MYO3A: variants seen among roughly 807,000 people sequenced by gnomAD.
MYO3A encodes the protein myosin-IIIa.
A neutral mutation model predicts 192.7 loss-of-function variants in MYO3A; 180 were observed. That is an observed-to-expected ratio of 0.93 (90% CI 0.83 to 1.06). The LOEUF (loss-of-function observed/expected upper bound fraction) is 1.06, where lower values mean the gene tolerates loss of function less well. Ranked by LOEUF, MYO3A falls within the 50% of genes least tolerant of loss-of-function variation. MYO3A has a pLI of 0.00. For missense variants in MYO3A, 1,896 were observed against 1,905.0 expected, an observed-to-expected ratio of 1.00 and a Z score of 0.09; for synonymous variants, 628 against 645.3, an observed-to-expected ratio of 0.97 and a Z score of 0.41.
intron 6 of MYO3A, among the ~76,000 whole-genome samples, chr10:26,013,027 A>G (rs1187291375): frequency 1.3e-5 from 2 of 151,992 alleles, no homozygotes; most frequent in Non-Finnish European, 1.5e-5. Context: ...ATTAGGAAAT[A>G]GATACCCTAT....
At chr10:26,021,452 T>A in intron 7 of MYO3A, 51 bp from the exon 8 acceptor site, 1 of 1,587,066 alleles carries the variant, frequency 6.3e-7, no homozygotes, top group East Asian at 2.2e-5. Flanking sequence ...TTTTATTACA[T>A]GCTTGTTAAA....
In MYO3A at chr10:26,088,286, T is replaced by C; in HGVS notation, c.1443T>C (p.Asn481=). 1 of 1,613,824 alleles carries C rather than the reference T, an allele frequency of 6.2e-7. No homozygotes were observed. Among genetic ancestry groups the C allele is most frequent in the Non-Finnish European group, 8.5e-7 (1 of 1,179,804 alleles). ...TTGGCAATGCCTGCACTATTATAAATGACAATTCTAGCAGATTTGGAAAAT... is the reference window on the plus strand; with the variant it reads ...TTGGCAATGCCTGCACTATTATAAACGACAATTCTAGCAGATTTGGAAAAT... ...EAFGNACTII[N]DNSSRFGKYL... Residue 481 remains asparagine, a synonymous_variant, in exon 15 of 35, where the codon AAT becomes AAC. Transcript: ENST00000642920.
chr10:26,201,617 C>T (rs986543398), intron 33 of MYO3A, among the ~76,000 whole-genome samples: 1 of 150,252 alleles, frequency 6.7e-6, no homozygotes, highest in African/African-American at 2.5e-5. Context: ...ACCCGGGAGA[C>T]GGAGCTTGCC....
intron 4 of MYO3A, among the ~76,000 whole-genome samples, chr10:25,967,430 AG>A (rs1183651991): frequency 6.6e-6 from 1 of 152,202 alleles, no homozygotes; most frequent in Non-Finnish European, 1.5e-5. Flanking sequence ...CTAGAATAAG[AG>A]CTACCTGAAA....
At chr10:26,178,881 A>C (rs1378382396) in intron 31 of MYO3A, among the ~76,000 whole-genome samples, 1 of 151,632 alleles carries the variant, frequency 6.6e-6, no homozygotes, top group Non-Finnish European at 1.5e-5. Context: ...GACTCACTGC[A>C]AGCTCCGCCT....
At chr10:26,060,758 C>T (rs5012431) in intron 10 of MYO3A, among the ~76,000 whole-genome samples, 71,842 of 151,794 alleles carry the variant, frequency 0.47, 17,837 homozygotes, top group Middle Eastern at 0.59. Flanking sequence ...GATGTTCTTG[C>T]GAAAAGGTAG....
At position 25,996,558 on chromosome 10, in the gene MYO3A, G is replaced by A. The variant is rs375880070; in HGVS notation, c.372G>A (p.Glu124=). 1.5e-5 allele frequency: 25 copies of A among 1,613,660 alleles called. No individual in the cohort carries two copies. The highest frequency in any genetic ancestry group is 2.0e-5 in the Non-Finnish European group (24 of 1,179,822). The stretch of plus-strand genomic sequence containing the variant: ...TGAAGAGGGGTGAAAGAATGAGTGA[G>A]CCTCTAATTGCCTATATTTTACATG... ...GFLKRGERMS[E]PLIAYILHEA... is the part of the protein sequence containing the mutation. Residue 124 remains glutamate, a synonymous_variant, in exon 5 of 35, where the codon GAG becomes GAA. Transcript: ENST00000642920.
intron 12 of MYO3A, among the ~76,000 whole-genome samples, chr10:26,069,219 G>A (rs763792758): frequency 1.1e-4 from 13 of 114,446 alleles, no homozygotes; most frequent in South Asian, 5.7e-4. Flanking sequence ...TATGTCTGCC[G>A]CTGAACTGAG....
intron 32 of MYO3A, among the ~76,000 whole-genome samples, chr10:26,197,955 T>TA (rs1274072491): frequency 1.3e-5 from 2 of 152,226 alleles, no homozygotes; most frequent in African/African-American, 4.8e-5. Flanking sequence ...AGGCGAGGCC[T>TA]ATGCTCGCTG....
chr10:26,152,900 A>G (rs931697187), intron 23 of MYO3A, among the ~76,000 whole-genome samples: 7 of 152,316 alleles, frequency 4.6e-5, no homozygotes, highest in East Asian at 1.9e-4. Context: ...CACTCCCATC[A>G]TGATTCCTTC....
In MYO3A at chr10:26,016,899, C is replaced by A. The variant is rs200381660; in HGVS notation, c.585+3C>A. On this transcript the variant is annotated splice_donor_region_variant and intron_variant, in intron 7 of 34. Transcript: ENST00000642920. ...CACCGTTTTGGATGGCTCCTGAGGT[C>A]AGATAGAGTTTTGAGGCAGACAAAC... 16 of 1,613,880 alleles carry A rather than the reference C, an allele frequency of 9.9e-6. No homozygotes were observed. The East Asian group carries it at 3.3e-4, about 34-fold the overall frequency.
chr10:26,104,824 A>C (rs561365292), intron 17 of MYO3A, among the ~76,000 whole-genome samples: 1 of 151,748 alleles, frequency 6.6e-6, no homozygotes, highest in Non-Finnish European at 1.5e-5. Flanking sequence ...ATAGTCCAAT[A>C]TTCCATATTT....
intron 14 of MYO3A, among the ~76,000 whole-genome samples, chr10:26,084,804 C>A (rs1836203507): frequency 6.6e-6 from 1 of 152,194 alleles, no homozygotes; most frequent in South Asian, 2.1e-4. Flanking sequence ...CTATGCCTGG[C>A]CTAGCTCTAC....
chr10:25,946,520 CTT>C (rs35754342), intron 2 of MYO3A, among the ~76,000 whole-genome samples: 31 of 142,168 alleles, frequency 2.2e-4, no homozygotes, highest in African/African-American at 4.6e-4. Flanking sequence ...TTAAGTTTCC[CTT>C]TTTTTTTTTT....
chr10:26,118,505 A>T (rs902321048), intron 17 of MYO3A, among the ~76,000 whole-genome samples: 1 of 152,104 alleles, frequency 6.6e-6, no homozygotes, highest in Admixed American at 6.6e-5. Context: ...GAGTTTTTCC[A>T]TCTTGCCCCA....
chr10:26,195,425 C>T (rs1053137588), intron 32 of MYO3A, among the ~76,000 whole-genome samples: 3 of 152,266 alleles, frequency 2.0e-5, no homozygotes, highest in East Asian at 3.9e-4. Flanking sequence ...TTCCAATTAA[C>T]GTATTTTCCA....
chr10:26,090,969 G>T (rs17666634), intron 15 of MYO3A, among the ~76,000 whole-genome samples: 6,519 of 152,262 alleles, frequency 0.043, 196 homozygotes, highest in Non-Finnish European at 0.068. Context: ...TGGCCCTAAT[G>T]GGACACAGCC....
chr10:26,089,301 A>C (rs1836542019), intron 15 of MYO3A, among the ~76,000 whole-genome samples: 1 of 152,110 alleles, frequency 6.6e-6, no homozygotes, highest in Admixed American at 6.6e-5. Context: ...TTTGGTCTTC[A>C]ATTAAAAATA....
intron 32 of MYO3A, among the ~76,000 whole-genome samples, chr10:26,199,108 GC>G (rs1349072036): frequency 6.6e-6 from 1 of 152,060 alleles, no homozygotes; most frequent in East Asian, 1.9e-4. Flanking sequence ...ACAAATGTAA[GC>G]CTCCATCTTA....
Sources: gnomAD v4.1 joint callset for allele counts (sites outside exome capture counted in the v4.1 genomes callset) on GRCh38, gnomAD v4.1.1 for gene constraint, MANE v1.5 for transcripts, NCBI Gene and HGNC (gene_info 2026-07-23, HGNC 2026-07-21) for gene names.